The following APOL3 variants were observed in gnomAD, a reference collection of about 807,000 sequenced individuals.
APOL3 encodes the protein apolipoprotein L3, also known as TNF-inducible protein CG12-1.
In APOL3, 14 loss-of-function variants were observed where a neutral mutation model predicts 11.6. The observed-to-expected ratio is 1.21, with a 90% CI of 0.80 to 1.89. APOL3 has a LOEUF of 1.89. Among genes scored for constraint, APOL3 ranks in the 40% most tolerant of loss-of-function variants. The pLI is 0.00. For missense variants in APOL3, 483 were observed against 492.1 expected (o/e 0.98, Z 0.17); for synonymous variants, 192 against 190.6 (o/e 1.01, Z -0.06).
chr22:36,159,530 C>T (rs2013448901), intron 1 of APOL3: 2 of 152,274 alleles, frequency 1.3e-5, no homozygotes, highest in Non-Finnish European at 2.9e-5. Context: ...TATGCTCACG[C>T]TTCCACAGTT....
chr22:36,144,198 C>G (rs1472431090), intron 2 of APOL3, among the ~76,000 whole-genome samples: 1 of 152,114 alleles, frequency 6.6e-6, no homozygotes, highest in Non-Finnish European at 1.5e-5. Context: ...CTCTGCAAGT[C>G]CATGGCCACG....
At chr22:36,154,698 G>A (rs1207800439) in intron 1 of APOL3, 1 of 466,766 alleles carries the variant, frequency 2.1e-6, no homozygotes, top group South Asian at 1.6e-5. Context: ...GAGCAAATGA[G>A]ACAGAGCAAT....
upstream of APOL3, chr22:36,165,834 A>G (rs2013846413): frequency 6.6e-6 from 1 of 152,170 alleles, no homozygotes; most frequent in Admixed American, 6.5e-5. Flanking sequence ...ATCTACCCAA[A>G]AATTTGGCTT....
chr22:36,150,636 C>A (rs574283165), intron 1 of APOL3, among the ~76,000 whole-genome samples: 3 of 152,086 alleles, frequency 2.0e-5, no homozygotes, highest in Non-Finnish European at 4.4e-5. Context: ...TTTGGGAGAC[C>A]GAGGCAGGTG....
At chr22:36,149,056 G>T in intron 1 of APOL3, 1 of 1,368,470 alleles carries the variant, frequency 7.3e-7, no homozygotes, top group South Asian at 1.1e-5. Flanking sequence ...CTGAGTCCAT[G>T]GTGCCAGCAG....
At chr22:36,142,118 C>T in intron 2 of APOL3, 60 bp from the exon 4 acceptor site, 1 of 1,516,240 alleles carries the variant, frequency 6.6e-7, no homozygotes, top group East Asian at 2.3e-5. Context: ...AAAATCAGCT[C>T]AATAAGATCT....
At chr22:36,144,094 C>T (rs560643937) in intron 2 of APOL3, among the ~76,000 whole-genome samples, 3 of 152,300 alleles carry the variant, frequency 2.0e-5, no homozygotes, top group Non-Finnish European at 2.9e-5. Flanking sequence ...CCCAGGCATG[C>T]TGTCAGGGAA....
chr22:36,147,563 A>C (rs1293775864), intron 1 of APOL3, among the ~76,000 whole-genome samples: 1 of 152,142 alleles, frequency 6.6e-6, no homozygotes, highest in Non-Finnish European at 1.5e-5. Flanking sequence ...AGCAGAGCCC[A>C]GTTTGCTGTC....
At chr22:36,162,111 C>T (rs1156963775), upstream of APOL3, among the ~76,000 whole-genome samples, 2 of 152,168 alleles carry the variant, frequency 1.3e-5, no homozygotes, top group Non-Finnish European at 2.9e-5. Context: ...TGGTCACAAT[C>T]CCTTTGGCCT....
At chr22:36,155,031 T>A (rs1408700700) in intron 1 of APOL3, among the ~76,000 whole-genome samples, 2 of 152,182 alleles carry the variant, frequency 1.3e-5, no homozygotes, top group African/African-American at 4.8e-5. Flanking sequence ...CCTCCACCTG[T>A]GTCCCCCTCA....
chr22:36,153,397 G>A (rs1351328383), intron 1 of APOL3: 1 of 456,234 alleles, frequency 2.2e-6, no homozygotes, highest in Non-Finnish European at 4.4e-6. Flanking sequence ...CAGCTTCAGA[G>A]AAACCTCGGT....
rs149412353 is a variant in APOL3, at chr22:36,143,119, G to A, written c.351-1061C>T. On this transcript the variant is annotated intron_variant, in intron 2 of 2. Coordinates refer to ENST00000349314, the Ensembl canonical transcript of APOL3. ...TTTACTATATTGGGAGCTGGGCTCA[G>A]TCTCCCTCCCCTGTAACACAATCCT... 9.4e-4 allele frequency among the ~76,000 whole-genome samples: 122 copies of A among 129,128 alleles called. 1 individual carries two copies. In the East Asian group the frequency reaches 0.02, roughly 22 times the overall value. The allele number at this position is 129,128 out of a possible 152,430, so 84.7% of individuals were successfully genotyped here. A position where few individuals can be genotyped will look rare whatever the true frequency, so the allele number is the denominator to read the frequency against.
At chr22:36,164,960 G>A (rs1569530191), upstream of APOL3, 1 of 152,110 alleles carries the variant, frequency 6.6e-6, no homozygotes, top group Non-Finnish European at 1.5e-5. Context: ...CCCTACTTTA[G>A]TATCACTGTT....
At chr22:36,156,578 C>T (rs545032400) in intron 1 of APOL3, among the ~76,000 whole-genome samples, 1 of 152,302 alleles carries the variant, frequency 6.6e-6, no homozygotes, top group South Asian at 2.1e-4. Flanking sequence ...CCATTCCCAG[C>T]CTCAGGCCTT....
chr22:36,146,515 AGAGT>A (rs2060226835), intron 1 of APOL3: 1 of 152,106 alleles, frequency 6.6e-6, no homozygotes. Context: ...GAACACAGCA[AGAGT>A]GAGTATTCTT....
At chr22:36,147,365 G>A (rs1234883796) in intron 1 of APOL3, among the ~76,000 whole-genome samples, 1 of 152,118 alleles carries the variant, frequency 6.6e-6, no homozygotes, top group Non-Finnish European at 1.5e-5. Flanking sequence ...CTGGTCTCAG[G>A]GGACATGGCT....
chr22:36,160,817 C>G lies in APOL3; in HGVS notation c.75G>C (p.Val25=), dbSNP rs150975698. ...GGAACCCAAAAGGGAAAGTGAAAGT[C>G]ACAACTTGGCAGCAGCTCCTGATCA... Residue 25 remains valine (V), a synonymous_variant, in exon 1 of 3, where the codon GTG becomes GTC. Coordinates refer to ENST00000349314, the Ensembl canonical transcript of APOL3. The G allele has an allele frequency of 1.3e-3, 2,097 of 1,614,060 alleles. 7 individuals are homozygous for G. The highest frequency in any genetic ancestry group is 1.6e-3 in the Non-Finnish European group (1,906 of 1,180,052).
rs373362225 is a variant in APOL3, at chr22:36,141,975, T to C, written c.434A>G (p.Asp145Gly). The change falls in exon 3 of 3, where the codon GAT becomes GGT. Residue 145 changes from aspartate (D) to glycine (G), a missense_variant. Transcript: ENST00000349314. ...CAAAAACCATTCCCTAAACTGCTCATCTTTCTGCTGCACATATTCGTCCTC... is the reference window on the plus strand; with the variant it reads ...CAAAAACCATTCCCTAAACTGCTCACCTTTCTGCTGCACATATTCGTCCTC... The C allele has an allele frequency of 6.2e-6, 10 of 1,614,118 alleles. No individual in the cohort carries two copies. In the African/African-American group the frequency reaches 1.2e-4, roughly 19 times the overall value.
At chr22:36,158,186 T>C (rs891474890) in intron 1 of APOL3, among the ~76,000 whole-genome samples, 9 of 152,180 alleles carry the variant, frequency 5.9e-5, no homozygotes, top group Non-Finnish European at 1.2e-4. Flanking sequence ...CACAGAGACA[T>C]ACGTTTTTGA....
Sources: allele counts gnomAD v4.1 joint callset (sites outside exome capture counted in the v4.1 genomes callset), GRCh38; gene constraint gnomAD v4.1.1; transcripts MANE v1.5; gene names NCBI Gene and HGNC (gene_info 2026-07-23, HGNC 2026-07-21).